Variants in ARHGEF9 observed in about 807,000 individuals in gnomAD.
The protein encoded by ARHGEF9 is Cdc42 guanine nucleotide exchange factor 9.
In ARHGEF9, 2 loss-of-function variants were observed where a neutral mutation model predicts 41.3. That is an observed-to-expected ratio of 0.05 (90% CI 0.02 to 0.15). The LOEUF (loss-of-function observed/expected upper bound fraction) is 0.15, where lower values mean the gene tolerates loss of function less well. Among genes scored for constraint, ARHGEF9 ranks in the 10% least tolerant of loss-of-function variants. The probability of loss-of-function intolerance (pLI) is 1.00; values close to 1 mark genes in which losing one functional copy is unlikely to be tolerated. For synonymous variants in ARHGEF9, 160 were observed against 154.4 expected, an observed-to-expected ratio of 1.04 and a Z score of -0.27; for missense variants, 225 against 424.7, an observed-to-expected ratio of 0.53 and a Z score of 4.13.
At chrX:63,781,031 G>C (rs1282801893) in intron 1 of ARHGEF9, among the ~76,000 whole-genome samples, 1 of 111,953 alleles carries the variant, frequency 8.9e-6, no homozygotes, top group East Asian at 2.8e-4. Flanking sequence ...ACCAATTGTA[G>C]TTTTATGTGT....
Position 63,637,868 on chromosome X carries a change from G to T in ARHGEF9, c.*160C>A. The T allele has an allele frequency of 2.4e-6, 1 of 417,572 alleles. No homozygotes were observed. Among genetic ancestry groups the T allele is most frequent in the Non-Finnish European group, 4.1e-6 (1 of 245,564 alleles). 34.4% of individuals were successfully genotyped at this position (417,572 alleles called of 1,213,427 possible). A position where few individuals can be genotyped will look rare whatever the true frequency, so the allele number is the denominator to read the frequency against. On this transcript the variant is annotated 3_prime_UTR_variant, in exon 10 of 10. Coordinates refer to ENST00000671741, the MANE Select transcript of ARHGEF9 (RefSeq NM_001353921.2). ...TCTCTGTGTGTGTGTGTGTGTGTGT[G>T]TGTGTGTGTGTGTCTGTGTGTGTGT...
intron 1 of ARHGEF9, among the ~76,000 whole-genome samples, chrX:63,764,652 A>C (rs1430703240): frequency 1.8e-5 from 2 of 112,510 alleles, no homozygotes; most frequent in Non-Finnish European, 3.8e-5. Flanking sequence ...AGAAGGAATG[A>C]GATCATGTCC....
Position 63,678,584 on chromosome X carries a change from GA to G in ARHGEF9, c.583-13del. The G allele has an allele frequency of 8.8e-7, 1 of 1,141,903 alleles. No individual in the cohort carries two copies. 94.1% of individuals were successfully genotyped at this position (1,141,903 alleles called of 1,213,427 possible). A position where few individuals can be genotyped will look rare whatever the true frequency, so the allele number is the denominator to read the frequency against. On this transcript the variant is annotated splice_polypyrimidine_tract_variant and intron_variant, in intron 4 of 9. Coordinates refer to ENST00000671741, the MANE Select transcript of ARHGEF9 (RefSeq NM_001353921.2). ...CAGAATCCATCTTGCTGTGGGAAAA[GA>G]AAAAAAGGAAAGGAAAAGTCTACCA...
At chrX:63,780,390 T>C (rs1556461376) in intron 1 of ARHGEF9, among the ~76,000 whole-genome samples, 1 of 111,240 alleles carries the variant, frequency 9.0e-6, no homozygotes, top group Non-Finnish European at 1.9e-5. Context: ...ACAGGTCATA[T>C]GGTATTTGGC....
rs782145415 is a variant in ARHGEF9, at chrX:63,697,282, T to C, written c.425A>G (p.Lys142Arg). The C allele has an allele frequency of 2.5e-6, 3 of 1,211,188 alleles. No homozygotes were observed. The highest frequency in any genetic ancestry group is 2.2e-6 in the Non-Finnish European group (2 of 895,187). The stretch of plus-strand genomic sequence containing the variant: ...CTCGTCACTGAACATGTCCCTTCTC[T>C]TCCGGCACTGCTTCAGATAGCCCTG... The part of the protein sequence containing the change: ...ICEGYLKQCR[K>R]RRDMFSDEQL... Residue 142 changes from lysine to arginine, a missense_variant, in exon 4 of 10, where the codon AAG becomes AGG. Transcript: ENST00000671741.
chrX:63,766,097 C>T (rs781957533), intron 1 of ARHGEF9, among the ~76,000 whole-genome samples: 115 of 112,390 alleles, frequency 1.0e-3, no homozygotes, highest in African/African-American at 3.6e-3. Flanking sequence ...TAGTCATTTA[C>T]TTAGCATATA....
intron 1 of ARHGEF9, among the ~76,000 whole-genome samples, chrX:63,749,431 A>G (rs1470431870): frequency 9.0e-6 from 1 of 111,637 alleles, no homozygotes; most frequent in African/African-American, 3.3e-5. Context: ...GGGTTTCACC[A>G]TGTTGGCCAG....
chrX:63,648,928 C>T (rs1344877786), intron 8 of ARHGEF9, among the ~76,000 whole-genome samples: 1 of 111,532 alleles, frequency 9.0e-6, no homozygotes, highest in Non-Finnish European at 1.9e-5. Context: ...GCACCCAATA[C>T]AGGAGTACCC....
At chrX:63,755,158 C>G (rs1475785550) in intron 1 of ARHGEF9, 1 of 938,785 alleles carries the variant, frequency 1.1e-6, no homozygotes, top group Non-Finnish European at 1.3e-6. Context: ...TTTTATTCAC[C>G]GAGCGACTGC....
At chrX:63,638,789 C>A in intron 9 of ARHGEF9, 1 of 292,283 alleles carries the variant, frequency 3.4e-6, no homozygotes, top group South Asian at 2.2e-4. Flanking sequence ...GATGAACCTG[C>A]ACTTAATAGA....
intron 4 of ARHGEF9, among the ~76,000 whole-genome samples, chrX:63,688,779 A>G (rs1220275905): frequency 1.8e-5 from 2 of 112,426 alleles, no homozygotes; most frequent in African/African-American, 6.5e-5. Flanking sequence ...CAAAAACAAA[A>G]CAAAACAAAA....
chrX:63,766,412 C>A (rs1256528669), intron 1 of ARHGEF9, among the ~76,000 whole-genome samples: 9 of 112,107 alleles, frequency 8.0e-5, no homozygotes, highest in Admixed American at 7.5e-4. Context: ...TACTGCTTGG[C>A]TGGTTCAGTG....
At chrX:63,648,624 C>G (rs2048300843) in intron 8 of ARHGEF9, among the ~76,000 whole-genome samples, 1 of 111,522 alleles carries the variant, frequency 9.0e-6, no homozygotes, top group Non-Finnish European at 1.9e-5. Context: ...TGTAAATTGG[C>G]TAAATGCTCC....
intron 1 of ARHGEF9, among the ~76,000 whole-genome samples, chrX:63,783,001 T>C (rs2056405798): frequency 1.8e-5 from 2 of 112,605 alleles, no homozygotes; most frequent in African/African-American, 3.2e-5. Flanking sequence ...TTTCATCATA[T>C]AATATTCATT....
rs1255674831 is a variant in ARHGEF9, at chrX:63,702,021, C to A, written c.402+4237G>T. Among the ~76,000 whole-genome samples the A allele has an allele frequency of 4.5e-5, 5 of 112,291 alleles. No homozygotes were observed. The Admixed American group carries it at 4.7e-4, about 11-fold the overall frequency. On this transcript the variant is annotated intron_variant, in intron 3 of 9. Coordinates refer to ENST00000671741, the MANE Select transcript of ARHGEF9 (RefSeq NM_001353921.2). The stretch of plus-strand genomic sequence containing the variant: ...GATAGGCAATTTGCAGAAGGGAAAA[C>A]CCAAATGGCTAATACGTTTGAAAAC...
intron 3 of ARHGEF9, among the ~76,000 whole-genome samples, chrX:63,701,269 A>T (rs782426787): frequency 1.8e-5 from 2 of 110,610 alleles, no homozygotes; most frequent in Non-Finnish European, 1.9e-5. Context: ...AAAAGTTTAG[A>T]CCTCAGTGTC....
chrX:63,651,594 A>G (rs1317861250), intron 8 of ARHGEF9, among the ~76,000 whole-genome samples: 1 of 111,499 alleles, frequency 9.0e-6, no homozygotes, highest in Non-Finnish European at 1.9e-5. Context: ...TACTGTTCTA[A>G]AAATAAACCA....
intron 2 of ARHGEF9, among the ~76,000 whole-genome samples, chrX:63,714,944 C>T (rs782045047): frequency 1.4e-4 from 16 of 111,874 alleles, no homozygotes; most frequent in East Asian, 8.5e-4. Flanking sequence ...CCCTTCCCAA[C>T]GAATGGAGAC....
intron 1 of ARHGEF9, among the ~76,000 whole-genome samples, chrX:63,761,228 T>C (rs1162684726): frequency 8.9e-6 from 1 of 111,879 alleles, no homozygotes; most frequent in East Asian, 2.8e-4. Flanking sequence ...TTTGAGCTTT[T>C]GGGGAGACAA....
Sources: gnomAD v4.1 joint callset for allele counts (sites outside exome capture counted in the v4.1 genomes callset) on GRCh38, gnomAD v4.1.1 for gene constraint, MANE v1.5 for transcripts, NCBI Gene and HGNC (gene_info 2026-07-23, HGNC 2026-07-21) for gene names.